Variants in GNPTG observed in about 807,000 individuals in gnomAD.
GNPTG encodes N-acetylglucosamine-1-phosphotransferase subunit gamma.
GNPTG carries 46 observed loss-of-function variants against 43.8 expected under a neutral mutation model. The observed-to-expected ratio is 1.05, with a 90% confidence interval of 0.83 to 1.34. The LOEUF (loss-of-function observed/expected upper bound fraction) is 1.34, where lower values mean the gene tolerates loss of function less well. GNPTG is among the 40% of genes most tolerant of loss of function. The pLI, the probability that GNPTG is intolerant of heterozygous loss-of-function variation, is 0.00. For missense variants in GNPTG, 549 were observed against 411.3 expected (o/e 1.33, Z -2.90); for synonymous variants, 250 against 172.8 (o/e 1.45, Z -3.50).
intron 3 of GNPTG, among the ~76,000 whole-genome samples, chr16:1,354,341 T>C (rs1349132716): frequency 2.0e-5 from 3 of 151,658 alleles, no homozygotes; most frequent in Non-Finnish European, 4.4e-5. Context: ...CTCGGGAGCC[T>C]GAGGTGTGAC....
At position 1,361,757 on chromosome 16, in the gene GNPTG, T is replaced by C. The variant is rs1355246420; in HGVS notation, c.193T>C (p.Phe65Leu). The change falls in exon 4 of 11, where the codon TTC (phenylalanine) becomes CTC (leucine). Residue 65 changes from phenylalanine to leucine, a missense_variant. Coordinates refer to ENST00000204679, the MANE Select transcript of GNPTG (RefSeq NM_032520.5). Reference sequence around the variant, plus strand: ...GTCTCTTCCAGGACCCGTGCATCTCTTCCGACTCTCGGGCAAGTGCTTCAG... The same window carrying C: ...GTCTCTTCCAGGACCCGTGCATCTCCTCCGACTCTCGGGCAAGTGCTTCAG... ...PSPVSGPVHL[F>L]RLSGKCFSLV... 3.1e-6 allele frequency: 5 copies of C among 1,614,068 alleles called. No individual in the cohort carries two copies. The highest frequency in any genetic ancestry group is 1.3e-5 in the African/African-American group (1 of 74,920).
intron 3 of GNPTG, among the ~76,000 whole-genome samples, chr16:1,354,609 AC>A (rs1043074542): frequency 7.8e-4 from 113 of 145,126 alleles, no homozygotes; most frequent in African/African-American, 2.8e-3. Flanking sequence ...AAAAAAAAAA[AC>A]CCATAAAAAT....
At chr16:1,360,773 C>T (rs2034855146) in intron 3 of GNPTG, 2 of 152,242 alleles carry the variant, frequency 1.3e-5, no homozygotes, top group Admixed American at 1.3e-4. Flanking sequence ...GGTTTAAGTC[C>T]TGTAGCTTTA....
rs778481117 is a variant in GNPTG, at chr16:1,361,928, G to T, written c.290G>T (p.Arg97Leu). 2.5e-6 allele frequency: 4 copies of T among 1,613,628 alleles called. No individual in the cohort carries two copies. Among genetic ancestry groups the T allele is most frequent in the Non-Finnish European group, 3.4e-6 (4 of 1,180,036 alleles). Residue 97 changes from arginine (R) to leucine (L), a missense_variant, in exon 5 of 11, where the codon CGC (arginine) becomes CTC (leucine). Arg to Leu is a moderately radical substitution (Grantham distance 102). Transcript: ENST00000204679. ...GTGACCCAGCACGAGCAGACCTTCC[G>T]CTGGAACGCCTACAGTGGGATCCTC... is the stretch of plus-strand genomic sequence containing the variant. ...HNVTQHEQTF[R>L]WNAYSGILGI...
In GNPTG at chr16:1,362,028, G is replaced by A. The variant is rs777991598; in HGVS notation, c.318-10G>A. On this transcript the variant is annotated splice_polypyrimidine_tract_variant and intron_variant, in intron 5 of 10. Transcript: ENST00000204679. ...ACCCGGCCTCACGTGCCGTGCCCGT[G>A]TCTCCCCAGCATCTGGCACGAGTGG... The A allele has an allele frequency of 5.1e-5, 83 of 1,612,728 alleles. No homozygotes were observed. The highest frequency in any genetic ancestry group is 6.3e-5 in the Non-Finnish European group (74 of 1,179,754).
rs1358662810 is a variant in GNPTG at position 1,362,604 on chromosome 16, C to A, written c.610-7C>A. ...CTGGGTGCTGCCCCTGCATCCTCCA[C>A]CTTCAGGGCCATGAGAAGTTGCTGA... On this transcript the variant is annotated splice_polypyrimidine_tract_variant and splice_region_variant and intron_variant, in intron 8 of 10. Coordinates refer to ENST00000204679, the MANE Select transcript of GNPTG (RefSeq NM_032520.5). 6.2e-7 allele frequency: 1 copy of A among 1,614,216 alleles called. No homozygotes were observed. The highest frequency in any genetic ancestry group is 1.1e-5 in the South Asian group (1 of 91,088).
intron 3 of GNPTG, among the ~76,000 whole-genome samples, chr16:1,356,376 GTGGTGGTATT>G (rs757812106): frequency 7.9e-5 from 12 of 152,164 alleles, no homozygotes; most frequent in Non-Finnish European, 1.6e-4. Flanking sequence ...GCATTTGGGG[GTGGTGGTATT>G]TGGGGGTAGA....
intron 4 of GNPTG, 31 bp from the exon 5 acceptor site, chr16:1,361,841 C>A: frequency 6.2e-7 from 1 of 1,613,694 alleles, no homozygotes; most frequent in African/African-American, 1.3e-5. Flanking sequence ...GCGCAGCCTG[C>A]GGACCCCCCT....
Position 1,361,927 on chromosome 16 carries a change from C to A in GNPTG, c.289C>A (p.Arg97Ser), listed in dbSNP as rs753385216. 1.2e-6 allele frequency: 2 copies of A among 1,613,658 alleles called. No individual in the cohort carries two copies. Among genetic ancestry groups the A allele is most frequent in the South Asian group, 2.2e-5 (2 of 91,092 alleles). Residue 97 changes from arginine (R) to serine (S), a missense_variant, in exon 5 of 11, where the codon CGC becomes AGC. Physicochemically the swap from Arg to Ser is moderately radical, Grantham distance 110 (BLOSUM62 -1). Transcript: ENST00000204679. ...HNVTQHEQTF[R>S]WNAYSGILGI... The stretch of plus-strand genomic sequence containing the variant: ...CGTGACCCAGCACGAGCAGACCTTC[C>A]GCTGGAACGCCTACAGTGGGATCCT...
Position 1,362,706 on chromosome 16 carries a change from C to T in GNPTG, c.705C>T (p.Asp235=), listed in dbSNP as rs762029401. 6.2e-7 allele frequency: 1 copy of T among 1,614,082 alleles called. No individual in the cohort carries two copies. Residue 235 remains aspartate, a synonymous_variant, in exon 9 of 11, where the codon GAC becomes GAT. Coordinates refer to ENST00000204679, the MANE Select transcript of GNPTG (RefSeq NM_032520.5). ...NEPTQLEGGP[D]SLGFETLENC... ...CCACCCAGCTGGAGGGAGGTCCTGA[C>T]AGCTTGGGGTTTGAGACCCTGGAAA...
chr16:1,354,373 C>T (rs2034735221), intron 3 of GNPTG, among the ~76,000 whole-genome samples: 1 of 151,604 alleles, frequency 6.6e-6, no homozygotes, highest in South Asian at 2.1e-4. Context: ...GTCAGGAGTT[C>T]GAGACCAGCC....
At chr16:1,361,596 A>G in intron 3 of GNPTG, 147 bp from the exon 4 acceptor site, 2 of 793,868 alleles carry the variant, frequency 2.5e-6, no homozygotes, top group Non-Finnish European at 4.2e-6. Flanking sequence ...GTGAGCCAAG[A>G]TCATGCCACT....
intron 3 of GNPTG, among the ~76,000 whole-genome samples, chr16:1,357,142 G>C (rs955469986): frequency 6.6e-6 from 1 of 152,194 alleles, no homozygotes; most frequent in Non-Finnish European, 1.5e-5. Flanking sequence ...CCAGCGGTCA[G>C]GCTGGGAGGA....
At chr16:1,355,139 G>A (rs950260206) in intron 3 of GNPTG, among the ~76,000 whole-genome samples, 4 of 151,910 alleles carry the variant, frequency 2.6e-5, no homozygotes, top group Non-Finnish European at 5.9e-5. Context: ...CTGCGGGGTC[G>A]GGTGTGGATG....
intron 3 of GNPTG, among the ~76,000 whole-genome samples, chr16:1,359,698 G>A (rs942081619): frequency 6.6e-6 from 1 of 152,198 alleles, no homozygotes; most frequent in Non-Finnish European, 1.5e-5. Context: ...GGTCCTCTGA[G>A]ACTCCCTATG....
rs746507546 is a variant in GNPTG, at chr16:1,361,715, C to A, written c.179-28C>A. Reference sequence around the variant, plus strand: ...TGCAGACAGGTTCTGTGCTTGGACCCTGGGGATCAGTGTGAGGTCTCTTCC... The same window carrying A: ...TGCAGACAGGTTCTGTGCTTGGACCATGGGGATCAGTGTGAGGTCTCTTCC... On this transcript the variant is annotated intron_variant, in intron 3 of 10. Coordinates refer to ENST00000204679, the MANE Select transcript of GNPTG (RefSeq NM_032520.5). 3.1e-6 allele frequency: 5 copies of A among 1,613,636 alleles called. No homozygotes were observed. In the Admixed American group the frequency reaches 8.3e-5, roughly 27 times the overall value.
Position 1,363,359 on chromosome 16 carries a change from G to A in GNPTG, c.*268G>A. On this transcript the variant is annotated 3_prime_UTR_variant, in exon 11 of 11. Transcript: ENST00000204679. ...AAATGATTATAAATACTACCTTCTG[G>A]GTTAAGAAAATTCCATTCAAATAAC... The A allele has an allele frequency of 2.2e-6, 1 of 458,960 alleles. No homozygotes were observed. The highest frequency in any genetic ancestry group is 4.0e-6 in the Non-Finnish European group (1 of 249,100). 28.4% of individuals were successfully genotyped at this position (458,960 alleles called of 1,614,324 possible). A position where few individuals can be genotyped will look rare whatever the true frequency, so the allele number is the denominator to read the frequency against.
intron 3 of GNPTG, chr16:1,361,179 A>C (rs981153792): frequency 2.5e-5 from 4 of 158,276 alleles, no homozygotes; most frequent in African/African-American, 9.6e-5. Flanking sequence ...GGCCTCAAGC[A>C]ATCTTCCCGC....
At chr16:1,361,996 G>T (rs901500768) in intron 5 of GNPTG, 41 bp downstream of exon 5, 2 of 1,612,962 alleles carry the variant, frequency 1.2e-6, no homozygotes, top group African/African-American at 2.7e-5. Context: ...CAGCAGCGCA[G>T]CTCCCCACCC....
Sources: gnomAD v4.1 joint callset for allele counts (sites outside exome capture counted in the v4.1 genomes callset) on GRCh38, gnomAD v4.1.1 for gene constraint, MANE v1.5 for transcripts, NCBI Gene and HGNC (gene_info 2026-07-23, HGNC 2026-07-21) for gene names.